The following MDN1 variants were observed in gnomAD, a reference collection of about 807,000 sequenced individuals.
MDN1 encodes midasin AAA ATPase 1.
A neutral mutation model predicts 669.2 loss-of-function variants in MDN1; 266 were observed. The ratio of observed to expected loss-of-function variants is 0.40; its 90% CI spans 0.36 to 0.44. The LOEUF is 0.44. Among genes scored for constraint, MDN1 ranks in the 20% least tolerant of loss-of-function variants. The pLI is 1.00. For synonymous variants in MDN1, 2,385 were observed against 2,457.1 expected (o/e 0.97, Z 0.87); for missense variants, 5,940 against 6,754.0 (o/e 0.88, Z 4.22).
chr6:89,724,310 T>G (rs1815053965), intron 38 of MDN1, among the ~76,000 whole-genome samples: 1 of 151,886 alleles, frequency 6.6e-6, no homozygotes, highest in Non-Finnish European at 1.5e-5. Flanking sequence ...TAAGATGGAG[T>G]CTCATTCTGT....
Position 89,658,213 on chromosome 6 carries a change from T to C in MDN1, c.15179A>G (p.Lys5060Arg), listed in dbSNP as rs1809463268. Residue 5060 changes from lysine (K) to arginine (R), a missense_variant, in exon 90 of 102, where the codon AAA becomes AGA. Lys to Arg is a conservative substitution (Grantham distance 26, BLOSUM62 2). Coordinates refer to ENST00000369393, the MANE Select transcript of MDN1 (RefSeq NM_014611.3). ...TGCAGTGAAACCACTGATCACCTCT[T>C]TCCCCTGCTCCTTCTCAGGTGCGGC... ...AGAAPEKEQGKEEHGSGAADA... is the reference protein window; with the variant it reads ...AGAAPEKEQGREEHGSGAADA... 1 of 1,614,036 alleles carries C rather than the reference T, an allele frequency of 6.2e-7. No individual in the cohort carries two copies. The highest frequency in any genetic ancestry group is 1.1e-5 in the South Asian group (1 of 91,088).
intron 2 of MDN1, chr6:89,797,612 C>G (rs1584387569): frequency 2.3e-6 from 1 of 437,234 alleles, no homozygotes; most frequent in East Asian, 7.0e-5. Context: ...CCATGGGATT[C>G]GTAGGCCATT....
At chr6:89,795,049 G>A (rs954089157) in intron 2 of MDN1, among the ~76,000 whole-genome samples, 2 of 152,122 alleles carry the variant, frequency 1.3e-5, no homozygotes, top group African/African-American at 4.8e-5. Context: ...CTACTTAGTC[G>A]TAAAATTGTA....
intron 79 of MDN1, 108 bp from the exon 80 acceptor site, chr6:89,673,570 T>C (rs1810979077): frequency 1.0e-6 from 1 of 980,374 alleles, no homozygotes; most frequent in South Asian, 1.5e-5. Flanking sequence ...TCATCATAGC[T>C]GAAGGTTTAC....
chr6:89,773,794 G>A (rs1010429329), intron 13 of MDN1, among the ~76,000 whole-genome samples: 3 of 150,532 alleles, frequency 2.0e-5, no homozygotes, highest in Admixed American at 6.6e-5. Context: ...GTGAAACCCC[G>A]TCTCTACTAA....
In MDN1 at chr6:89,756,339, A is replaced by C; in HGVS notation, c.2754T>G (p.Val918=). 6.2e-7 allele frequency: 1 copy of C among 1,604,536 alleles called. No homozygotes were observed. The highest frequency in any genetic ancestry group is 8.5e-7 in the Non-Finnish European group (1 of 1,175,146). ...ATCCTTTCAGATAATCTACAATAAG[A>C]ACCTGTAAGTCTTCTTTGCTTTCTA... ...EELESKEDLQ[V]LIVDYLKGLS... is the part of the protein sequence containing the mutation. The change falls in exon 20 of 102, where the codon GTT becomes GTG. Residue 918 remains valine, a synonymous_variant. Transcript: ENST00000369393.
At chr6:89,778,463 C>T (rs1041713070) in intron 11 of MDN1, among the ~76,000 whole-genome samples, 4 of 152,030 alleles carry the variant, frequency 2.6e-5, no homozygotes, top group African/African-American at 4.8e-5. Context: ...TCTAAAGTTA[C>T]AAACATTAAT....
In MDN1 at chr6:89,734,691, A is replaced by ACGAGAGAGAGAGAGAGAGAG. The variant is rs370691129; in HGVS notation, c.4724-1917_4724-1916insCTCTCTCTCTCTCTCTCTCG. Among the ~76,000 whole-genome samples, 3 of 112,984 alleles carry ACGAGAGAGAGAGAGAGAGAG rather than the reference A, an allele frequency of 2.7e-5. No individual in the cohort carries two copies. In the East Asian group the frequency reaches 1.0e-3, roughly 39 times the overall value. 74.1% of individuals were successfully genotyped at this position (112,984 alleles called of 152,430 possible). A position where few individuals can be genotyped will look rare whatever the true frequency, so the allele number is the denominator to read the frequency against. On this transcript the variant is annotated intron_variant, in intron 33 of 101. Coordinates refer to ENST00000369393, the MANE Select transcript of MDN1 (RefSeq NM_014611.3). The stretch of plus-strand genomic sequence containing the variant: ...AGAAGAAAAAAAAAAAAAAAAAAAC[A>ACGAGAGAGAGAGAGAGAGAG]AGAGAGAGAGAGAGAGAGAGAGAGA...
chr6:89,758,114 TGAGGTGG>T lies in MDN1; in HGVS notation c.2702+134_2702+140del, dbSNP rs542970270. 217 of 644,040 alleles carry T rather than the reference TGAGGTGG, an allele frequency of 3.4e-4. 1 individual carries two copies. The African/African-American group carries it at 3.5e-3, about 10-fold the overall frequency. The allele number at this position is 644,040 out of a possible 1,614,324, so 39.9% of individuals were successfully genotyped here. On this transcript the variant is annotated intron_variant, in intron 19 of 101. Coordinates refer to ENST00000369393, the MANE Select transcript of MDN1 (RefSeq NM_014611.3). ...CCATAATCCCGGCTATTCAGGATTC[TGAGGTGG>T]GAGGTGGGAGGTGGGAGGACTGCTT...
chr6:89,717,546 A>C (rs541160782), intron 43 of MDN1, among the ~76,000 whole-genome samples: 2 of 152,354 alleles, frequency 1.3e-5, no homozygotes, highest in East Asian at 3.9e-4. Context: ...TTTATAATAG[A>C]AATTCATAAC....
chr6:89,720,586 T>C (rs940956850), intron 40 of MDN1, among the ~76,000 whole-genome samples: 1 of 151,906 alleles, frequency 6.6e-6, no homozygotes, highest in African/African-American at 2.4e-5. Context: ...ATTGGAAGAG[T>C]GATGGAAAAC....
intron 40 of MDN1, among the ~76,000 whole-genome samples, chr6:89,721,172 C>T (rs774189449): frequency 1.3e-5 from 2 of 152,152 alleles, no homozygotes; most frequent in Non-Finnish European, 2.9e-5. Context: ...AGGTAGGAGT[C>T]GACTCCTGTG....
At position 89,668,131 on chromosome 6, in the gene MDN1, T is replaced by C. The variant is rs1377573532; in HGVS notation, c.13977A>G (p.Glu4659=). The C allele has an allele frequency of 6.2e-7, 1 of 1,614,144 alleles. No homozygotes were observed. Among genetic ancestry groups the C allele is most frequent in the East Asian group, 2.2e-5 (1 of 44,884 alleles). ...CCTCTCCAGCTGAATCTTCCATAAA[T>C]TCTTTGGGCAAGCAAAATCCCTTAG... ...LAQKGFCLPK[E]FMEDSAGEGA... is the part of the protein sequence containing the mutation. Residue 4659 remains glutamate, a synonymous_variant, in exon 84 of 102, where the codon GAA becomes GAG. Transcript: ENST00000369393.
chr6:89,722,719 T>C (rs183782574), intron 40 of MDN1, among the ~76,000 whole-genome samples: 1 of 152,008 alleles, frequency 6.6e-6, no homozygotes, highest in Non-Finnish European at 1.5e-5. Flanking sequence ...TGGTGGCTTA[T>C]GCCTGTAATC....
At chr6:89,724,471 C>T (rs768833217) in intron 38 of MDN1, among the ~76,000 whole-genome samples, 54 of 152,068 alleles carry the variant, frequency 3.6e-4, no homozygotes, top group Admixed American at 2.2e-3. Context: ...TTAATAGAGA[C>T]GGGGTTTCGC....
At chr6:89,708,463 C>T (rs1813667839) in intron 51 of MDN1, 33 bp downstream of exon 51, 1 of 1,609,682 alleles carries the variant, frequency 6.2e-7, no homozygotes, top group Admixed American at 1.7e-5. Context: ...GCCAGTGAGG[C>T]AAACAGTGCC....
intron 35 of MDN1, 40 bp from the exon 36 acceptor site, chr6:89,729,179 T>C (rs1463112559): frequency 6.6e-7 from 1 of 1,523,410 alleles, no homozygotes; most frequent in South Asian, 1.2e-5. Context: ...AAGCGGGACA[T>C]CATCAAATCA....
chr6:89,686,788 T>C (rs1336607382), intron 69 of MDN1, 114 bp downstream of exon 69: 1 of 1,383,954 alleles, frequency 7.2e-7, no homozygotes. Context: ...ATGGGAGGCA[T>C]TCCCATGAAA....
chr6:89,796,965 G>A (rs541364514), intron 2 of MDN1, among the ~76,000 whole-genome samples: 1 of 152,218 alleles, frequency 6.6e-6, no homozygotes, highest in East Asian at 1.9e-4. Flanking sequence ...CTACTCAGGA[G>A]GCTGAGGCAG....
Sources: allele counts gnomAD v4.1 joint callset (sites outside exome capture counted in the v4.1 genomes callset), GRCh38; gene constraint gnomAD v4.1.1; transcripts MANE v1.5; gene names NCBI Gene and HGNC (gene_info 2026-07-23, HGNC 2026-07-21).